Variants in AGBL2 observed in about 807,000 individuals in gnomAD.
AGBL2 encodes AGBL carboxypeptidase 2, also known as cytosolic carboxypeptidase 2.
AGBL2 carries 87 observed loss-of-function variants against 103.0 expected under a neutral mutation model. The ratio of observed to expected loss-of-function variants is 0.84; its 90% confidence interval spans 0.71 to 1.01. The LOEUF (loss-of-function observed/expected upper bound fraction) is 1.01, where lower values mean the gene tolerates loss of function less well. Ranked by LOEUF, AGBL2 falls within the 50% of genes least tolerant of loss-of-function variation. The pLI, the probability that AGBL2 is intolerant of heterozygous loss-of-function variation, is 0.00. For missense variants in AGBL2, 904 were observed against 1,023.5 expected, an observed-to-expected ratio of 0.88 and a Z score of 1.59; for synonymous variants, 335 against 356.7, an observed-to-expected ratio of 0.94 and a Z score of 0.69.
intron 18 of AGBL2, among the ~76,000 whole-genome samples, chr11:47,661,389 T>C (rs539381838): frequency 6.6e-6 from 1 of 152,280 alleles, no homozygotes; most frequent in South Asian, 2.1e-4. Flanking sequence ...TGAAACTCTC[T>C]TTAATTTGAC....
At chr11:47,705,801 G>T in intron 5 of AGBL2, 63 bp downstream of exon 5, 1 of 1,411,846 alleles carries the variant, frequency 7.1e-7, no homozygotes, top group Non-Finnish European at 1.0e-6. Context: ...GGGAACAGCA[G>T]GTGATGAAGA....
chr11:47,694,093 G>A (rs1281912523), intron 8 of AGBL2, among the ~76,000 whole-genome samples: 2 of 152,118 alleles, frequency 1.3e-5, no homozygotes, highest in East Asian at 3.9e-4. Context: ...AGCTACTCGG[G>A]ATGCTGAGGC....
At chr11:47,671,794 C>T (rs2097358430) in intron 14 of AGBL2, among the ~76,000 whole-genome samples, 1 of 152,130 alleles carries the variant, frequency 6.6e-6, no homozygotes, top group Admixed American at 6.6e-5. Context: ...TGCTGGAAGT[C>T]CTGTTGGTAG....
chr11:47,667,300 G>A (rs2097343859), intron 16 of AGBL2, among the ~76,000 whole-genome samples: 1 of 152,152 alleles, frequency 6.6e-6, no homozygotes, highest in Admixed American at 6.6e-5. Context: ...TACCATTCCA[G>A]TATCATGTAT....
At chr11:47,660,937 G>GA (rs2153802361) in intron 18 of AGBL2, among the ~76,000 whole-genome samples, 1 of 152,230 alleles carries the variant, frequency 6.6e-6, no homozygotes, top group South Asian at 2.1e-4. Context: ...CAAAAAAATA[G>GA]AAAAACAATC....
chr11:47,686,835 TGTAA>T (rs2097425656), intron 10 of AGBL2, among the ~76,000 whole-genome samples: 1 of 151,536 alleles, frequency 6.6e-6, no homozygotes, highest in Non-Finnish European at 1.5e-5. Flanking sequence ...GGTGCATACC[TGTAA>T]TGCCAGCTAC....
At chr11:47,713,493 C>G (rs1181383340) in intron 3 of AGBL2, among the ~76,000 whole-genome samples, 1 of 150,952 alleles carries the variant, frequency 6.6e-6, no homozygotes, top group Non-Finnish European at 1.5e-5. Flanking sequence ...CCACTGCACT[C>G]CAGCCTGGGC....
intron 8 of AGBL2, among the ~76,000 whole-genome samples, chr11:47,694,229 C>CA (rs34944577): frequency 0.27 from 33,816 of 125,562 alleles, 4,620 homozygotes; most frequent in South Asian, 0.49. Flanking sequence ...ACTCCCAAGC[C>CA]AAAAAAAAAA....
At chr11:47,664,144 C>A (rs1221501276) in intron 17 of AGBL2, among the ~76,000 whole-genome samples, 5 of 152,096 alleles carry the variant, frequency 3.3e-5, no homozygotes, top group African/African-American at 1.2e-4. Flanking sequence ...CGTGAGTCAC[C>A]GTGCCTGGGC....
chr11:47,670,867 C>T (rs937856360), intron 14 of AGBL2, among the ~76,000 whole-genome samples: 13 of 151,950 alleles, frequency 8.6e-5, no homozygotes, highest in South Asian at 2.1e-4. Context: ...TGGTGGTGTA[C>T]GCCTATAGTC....
intron 13 of AGBL2, among the ~76,000 whole-genome samples, chr11:47,678,338 A>ATTTTTTTTTTTTT (rs1196435610): frequency 2.4e-4 from 23 of 95,286 alleles, no homozygotes; most frequent in South Asian, 1.1e-3. Flanking sequence ...TTATTTTATT[A>ATTTTTTTTTTTTT]TTTTATTTTT....
chr11:47,711,406 C>T (rs950452005), intron 3 of AGBL2, among the ~76,000 whole-genome samples: 1 of 152,200 alleles, frequency 6.6e-6, no homozygotes, highest in African/African-American at 2.4e-5. Flanking sequence ...TGAAGCTCCT[C>T]CCCTCACTTG....
Position 47,690,727 on chromosome 11 carries a change from T to G in AGBL2, c.980A>C (p.Lys327Thr). The G allele has an allele frequency of 6.2e-7, 1 of 1,614,136 alleles. No individual in the cohort carries two copies. The highest frequency in any genetic ancestry group is 8.5e-7 in the Non-Finnish European group (1 of 1,180,018). ...TYRFTIVNLLKPKSLYTVGMK... is the reference protein window; with the variant it reads ...TYRFTIVNLLTPKSLYTVGMK... Reference sequence around the variant, plus strand: ...CCCTACAGTATAAAGACTCTTGGGTTTTAGCAAGTTGACAATGGTGAAGCG... The same window carrying G: ...CCCTACAGTATAAAGACTCTTGGGTGTTAGCAAGTTGACAATGGTGAAGCG... The change falls in exon 10 of 19, where the codon AAA becomes ACA. Residue 327 changes from lysine to threonine, a missense_variant. Lys to Thr is a moderately conservative substitution (Grantham distance 78). Coordinates refer to ENST00000525123, the MANE Select transcript of AGBL2 (RefSeq NM_024783.4).
At chr11:47,701,983 A>G (rs1395664377) in intron 7 of AGBL2, among the ~76,000 whole-genome samples, 1 of 150,984 alleles carries the variant, frequency 6.6e-6, no homozygotes, top group Non-Finnish European at 1.5e-5. Context: ...CAAAAAAAAA[A>G]AAAAAAAAAG....
In AGBL2 at chr11:47,714,364, C is replaced by A. The variant is rs2097544151; in HGVS notation, c.34-17G>T. On this transcript the variant is annotated splice_polypyrimidine_tract_variant and intron_variant, in intron 2 of 18. Coordinates refer to ENST00000525123, the MANE Select transcript of AGBL2 (RefSeq NM_024783.4). The stretch of plus-strand genomic sequence containing the variant: ...AGGAATAGTCTGTGAAAGGAAAGGC[C>A]ACTTCAATCAAGATAATGTTTTCAA... The A allele has an allele frequency of 6.2e-7, 1 of 1,607,048 alleles. No homozygotes were observed. Among genetic ancestry groups the A allele is most frequent in the South Asian group, 1.1e-5 (1 of 90,928 alleles).
At chr11:47,713,966 ATG>A (rs1358745092) in intron 3 of AGBL2, 2 of 243,646 alleles carry the variant, frequency 8.2e-6, no homozygotes, top group Non-Finnish European at 1.6e-5. Context: ...GTGGGAAGAC[ATG>A]TCTTTCCAGA....
intron 14 of AGBL2, among the ~76,000 whole-genome samples, chr11:47,675,800 G>C (rs951971106): frequency 4.6e-5 from 7 of 152,012 alleles, no homozygotes; most frequent in African/African-American, 1.7e-4. Context: ...GAGCTCAGTA[G>C]TTAGAGACCA....
chr11:47,697,815 G>A (rs2097481962), intron 8 of AGBL2, among the ~76,000 whole-genome samples: 1 of 151,742 alleles, frequency 6.6e-6, no homozygotes, highest in South Asian at 2.1e-4. Context: ...CAAAGTGCTG[G>A]GATTACAGGC....
intron 13 of AGBL2, among the ~76,000 whole-genome samples, chr11:47,677,880 C>G (rs1235544746): frequency 6.6e-6 from 1 of 152,056 alleles, no homozygotes; most frequent in Non-Finnish European, 1.5e-5. Flanking sequence ...ATTACATGAG[C>G]GGGAGGAACA....
Sources: allele counts gnomAD v4.1 joint callset (sites outside exome capture counted in the v4.1 genomes callset), GRCh38; gene constraint gnomAD v4.1.1; transcripts MANE v1.5; gene names NCBI Gene and HGNC (gene_info 2026-07-23, HGNC 2026-07-21).